GFRA2: variants seen among roughly 807,000 people sequenced by gnomAD.
GFRA2 encodes the protein GDNF family receptor alpha-2.
In GFRA2, 17 loss-of-function variants were observed where a neutral mutation model predicts 48.3. The ratio of observed to expected loss-of-function variants is 0.35; its 90% CI spans 0.24 to 0.53. GFRA2 has a LOEUF of 0.53. Among genes scored for constraint, GFRA2 ranks in the 20% least tolerant of loss-of-function variants. GFRA2 has a pLI of 0.93. For missense variants in GFRA2, 660 were observed against 637.3 expected, an observed-to-expected ratio of 1.04 and a Z score of -0.38; for synonymous variants, 305 against 257.2, an observed-to-expected ratio of 1.19 and a Z score of -1.78.
At chr8:21,760,255 C>A (rs777686835) in intron 3 of GFRA2, among the ~76,000 whole-genome samples, 1 of 152,160 alleles carries the variant, frequency 6.6e-6, no homozygotes, top group Non-Finnish European at 1.5e-5. Context: ...AGGCACATGA[C>A]CTCATTCACT....
intron 4 of GFRA2, among the ~76,000 whole-genome samples, chr8:21,718,803 C>A (rs1037668865): frequency 6.6e-6 from 1 of 152,150 alleles, no homozygotes; most frequent in Non-Finnish European, 1.5e-5. Context: ...TAACTCACAA[C>A]ACAGCAGCAA....
intron 2 of GFRA2, among the ~76,000 whole-genome samples, chr8:21,798,538 C>G (rs1025723655): frequency 2.0e-5 from 3 of 152,202 alleles, no homozygotes; most frequent in Non-Finnish European, 4.4e-5. Context: ...CACCAGCTGA[C>G]CATGTGACTT....
At chr8:21,766,013 T>C (rs539126096) in intron 3 of GFRA2, among the ~76,000 whole-genome samples, 1 of 152,150 alleles carries the variant, frequency 6.6e-6, no homozygotes, top group African/African-American at 2.4e-5. Context: ...TCCTCCACAG[T>C]GCAAGAGTCA....
intron 4 of GFRA2, among the ~76,000 whole-genome samples, chr8:21,728,903 C>T (rs1195076382): frequency 1.3e-5 from 2 of 152,222 alleles, no homozygotes; most frequent in Non-Finnish European, 2.9e-5. Context: ...CACCTTAGTA[C>T]TACTGGATGG....
intron 4 of GFRA2, among the ~76,000 whole-genome samples, chr8:21,709,946 G>A (rs1002615690): frequency 5.3e-5 from 8 of 152,174 alleles, no homozygotes; most frequent in Admixed American, 2.0e-4. Flanking sequence ...TTTCCCTGAC[G>A]GGCCACAAGG....
chr8:21,744,745 T>G (rs946420058), intron 4 of GFRA2, among the ~76,000 whole-genome samples: 1 of 152,182 alleles, frequency 6.6e-6, no homozygotes, highest in Non-Finnish European at 1.5e-5. Flanking sequence ...TCCAGGCTCC[T>G]TATCAGAAGG....
At chr8:21,769,887 A>T (rs1806364480) in intron 3 of GFRA2, among the ~76,000 whole-genome samples, 1 of 152,204 alleles carries the variant, frequency 6.6e-6, no homozygotes, top group Non-Finnish European at 1.5e-5. Context: ...CCATCCTCCA[A>T]GAAGGACCAC....
intron 2 of GFRA2, among the ~76,000 whole-genome samples, chr8:21,776,741 G>A (rs1806725719): frequency 6.6e-6 from 1 of 152,086 alleles, no homozygotes; most frequent in Non-Finnish European, 1.5e-5. Context: ...AAAGTGCTGG[G>A]ATTACAGGAG....
At chr8:21,777,265 A>G (rs1806751697) in intron 2 of GFRA2, among the ~76,000 whole-genome samples, 1 of 152,152 alleles carries the variant, frequency 6.6e-6, no homozygotes, top group Non-Finnish European at 1.5e-5. Flanking sequence ...CTAAATAAGT[A>G]CTGTTGTTCC....
At chr8:21,741,719 C>T (rs1431185169) in intron 4 of GFRA2, among the ~76,000 whole-genome samples, 4 of 152,000 alleles carry the variant, frequency 2.6e-5, no homozygotes, top group Non-Finnish European at 4.4e-5. Flanking sequence ...GTCAGGAGTT[C>T]AAGACCAGCC....
At chr8:21,766,354 C>G (rs1294770427) in intron 3 of GFRA2, among the ~76,000 whole-genome samples, 1 of 152,026 alleles carries the variant, frequency 6.6e-6, no homozygotes, top group African/African-American at 2.4e-5. Context: ...TTCTCTGTCT[C>G]CAGCTAATAG....
At chr8:21,809,835 C>G (rs898256698) in intron 1 of GFRA2, among the ~76,000 whole-genome samples, 2 of 152,168 alleles carry the variant, frequency 1.3e-5, no homozygotes, top group Non-Finnish European at 2.9e-5. Flanking sequence ...TGGGAGAGTT[C>G]TTTAGCTATA....
chr8:21,733,323 C>A (rs1391903018), intron 4 of GFRA2, among the ~76,000 whole-genome samples: 1 of 152,180 alleles, frequency 6.6e-6, no homozygotes, highest in Non-Finnish European at 1.5e-5. Flanking sequence ...ACACCTACCC[C>A]ACACCCAGGC....
rs1034929610 is a variant in GFRA2 at position 21,800,881 on chromosome 8, G to C, written c.-36+4136C>G. Among the ~76,000 whole-genome samples the C allele has an allele frequency of 7.9e-4, 118 of 149,948 alleles. 1 individual carries two copies. The highest frequency in any genetic ancestry group is 2.7e-3 in the African/African-American group (108 of 40,654). The stretch of plus-strand genomic sequence containing the variant: ...TTCCAGGCTGCAGTGAGCTATGAGT[G>C]CACCCCTGCACTCCAGCCTGGGTCA... On this transcript the variant is annotated intron_variant, in intron 2 of 10. Transcript: ENST00000517328.
intron 4 of GFRA2, among the ~76,000 whole-genome samples, chr8:21,747,355 G>A (rs1251579840): frequency 1.3e-5 from 2 of 152,196 alleles, no homozygotes; most frequent in East Asian, 1.9e-4. Flanking sequence ...AAATGGCAGC[G>A]TGGCCACATC....
intron 1 of GFRA2, among the ~76,000 whole-genome samples, chr8:21,787,234 G>A (rs961280553): frequency 2.8e-5 from 4 of 140,780 alleles, no homozygotes; most frequent in Non-Finnish European, 6.1e-5. Flanking sequence ...GTGGCGCCAG[G>A]CAGCCTCTCC....
chr8:21,810,752 T>C (rs1807962824), intron 1 of GFRA2, among the ~76,000 whole-genome samples: 1 of 152,116 alleles, frequency 6.6e-6, no homozygotes, highest in African/African-American at 2.4e-5. Flanking sequence ...TGGTGCAGGC[T>C]TCTGGGAATG....
At chr8:21,769,628 A>G (rs1257779433) in intron 3 of GFRA2, among the ~76,000 whole-genome samples, 1 of 152,058 alleles carries the variant, frequency 6.6e-6, no homozygotes, top group African/African-American at 2.4e-5. Context: ...TGATGCCAGG[A>G]TCCTCGGGGG....
intron 2 of GFRA2, among the ~76,000 whole-genome samples, chr8:21,796,004 G>A (rs1316506127): frequency 6.6e-6 from 1 of 152,186 alleles, no homozygotes. Context: ...CAGACTTCTC[G>A]AGAAAACTGT....
Sources: gnomAD v4.1 joint callset for allele counts (sites outside exome capture counted in the v4.1 genomes callset) on GRCh38, gnomAD v4.1.1 for gene constraint, MANE v1.5 for transcripts, NCBI Gene and HGNC (gene_info 2026-07-23, HGNC 2026-07-21) for gene names.